The following PLEKHG3 variants were observed in gnomAD, a reference collection of about 807,000 sequenced individuals.
PLEKHG3 encodes pleckstrin homology domain-containing family G member 3.
A neutral mutation model predicts 94.9 loss-of-function variants in PLEKHG3; 62 were observed. That is an observed-to-expected ratio of 0.65 (90% confidence interval 0.53 to 0.81). PLEKHG3 has a LOEUF of 0.81. Ranked by LOEUF, PLEKHG3 falls within the 30% of genes least tolerant of loss-of-function variation. The pLI, the probability that PLEKHG3 is intolerant of heterozygous loss-of-function variation, is 0.00. For synonymous variants in PLEKHG3, 614 were observed against 654.0 expected, an observed-to-expected ratio of 0.94 and a Z score of 0.93; for missense variants, 1,461 against 1,619.3, an observed-to-expected ratio of 0.90 and a Z score of 1.68.
chr14:64,737,189 T>G lies in PLEKHG3; in HGVS notation c.1385-167T>G. 4 of 663,210 alleles carry G rather than the reference T, an allele frequency of 6.0e-6. No homozygotes were observed. The South Asian group carries it at 7.0e-5, about 12-fold the overall frequency. 41.1% of individuals were successfully genotyped at this position (663,210 alleles called of 1,614,324 possible). A position where few individuals can be genotyped will look rare whatever the true frequency, so the allele number is the denominator to read the frequency against. On this transcript the variant is annotated intron_variant, in intron 13 of 16. Coordinates refer to ENST00000247226, the MANE Select transcript of PLEKHG3 (RefSeq NM_001308147.2). ...CCTGGGCCCCTGCTCTGTCAGTCAT[T>G]CTTTTGAAAGCCCAGGAGACTAGGT...
rs1566693988 is a variant in PLEKHG3, at chr14:64,716,479, ACAACACACACACACACAACACACAC to A, written c.-39-11113_-39-11089del. On this transcript the variant is annotated intron_variant, in intron 1 of 16. Transcript: ENST00000247226. The surrounding 1 kb of genome is among the most constrained non-coding windows in gnomAD (Gnocchi z 5.0). ...ACACACACACACAACACACACACACACAACACACACACACACAACACACACACACACACACACACACACACACACA... is the reference window on the plus strand; with the variant it reads ...ACACACACACACAACACACACACACAACACACACACACACACACACACACA... 9.6e-5 allele frequency among the ~76,000 whole-genome samples: 13 copies of A among 135,472 alleles called. No individual in the cohort carries two copies. Among genetic ancestry groups the A allele is most frequent in the African/African-American group, 3.8e-4 (13 of 33,788 alleles). 88.9% of individuals were successfully genotyped at this position (135,472 alleles called of 152,430 possible).
intron 1 of PLEKHG3, among the ~76,000 whole-genome samples, chr14:64,705,845 C>T (rs2080963023): frequency 6.6e-6 from 1 of 152,162 alleles, no homozygotes; most frequent in Admixed American, 6.5e-5. Flanking sequence ...GAGTGAGAAC[C>T]AAAAGTGTAC....
Position 64,722,187 on chromosome 14 carries a change from G to A in PLEKHG3, c.-39-5406G>A, listed in dbSNP as rs1250848381. Among the ~76,000 whole-genome samples, 6 of 152,216 alleles carry A rather than the reference G, an allele frequency of 3.9e-5. No homozygotes were observed. The highest frequency in any genetic ancestry group is 7.4e-5 in the Non-Finnish European group (5 of 68,000). ...CACACAGGAGGGCTGCGCCATCGCC[G>A]TTCCTGAGTGAGGACTTTCTTTCTT... On this transcript the variant is annotated intron_variant, in intron 1 of 16. Transcript: ENST00000247226. The surrounding 1 kb of genome is among the most constrained non-coding windows in gnomAD (Gnocchi z 4.3).
At chr14:64,708,309 C>T (rs1324423826) in intron 1 of PLEKHG3, among the ~76,000 whole-genome samples, 1 of 152,180 alleles carries the variant, frequency 6.6e-6, no homozygotes, top group Non-Finnish European at 1.5e-5. Flanking sequence ...CACCTTCTCC[C>T]TGACCTCCCG....
chr14:64,733,163 T>A (rs1241595251), intron 12 of PLEKHG3, among the ~76,000 whole-genome samples: 1 of 136,844 alleles, frequency 7.3e-6, no homozygotes, highest in Non-Finnish European at 1.6e-5. Context: ...CTTTTCTTTT[T>A]CTTTTTTTTT....
Position 64,716,454 on chromosome 14 carries a change from ACACACACACACAAC to A in PLEKHG3, c.-39-11138_-39-11125del, listed in dbSNP as rs1566693791. On this transcript the variant is annotated intron_variant, in intron 1 of 16. Transcript: ENST00000247226. The surrounding 1 kb of genome is among the most constrained non-coding windows in gnomAD (Gnocchi z 5.0). Reference sequence around the variant, plus strand: ...GGGCCCTACACACACACACACACACACACACACACACAACACACACACACACAACACACACACAC... The same window carrying A: ...GGGCCCTACACACACACACACACACAACACACACACACAACACACACACAC... Among the ~76,000 whole-genome samples the A allele has an allele frequency of 2.2e-5, 3 of 137,234 alleles. No homozygotes were observed. Among genetic ancestry groups the A allele is most frequent in the African/African-American group, 8.9e-5 (3 of 33,818 alleles). The allele number at this position is 137,234 out of a possible 152,430, so 90.0% of individuals were successfully genotyped here.
Position 64,715,481 on chromosome 14 carries a change from C to A in PLEKHG3, c.-40+10777C>A, listed in dbSNP as rs1420675006. ...AAATGCTAGCTGAGGTTATTTCAGC[C>A]AGGCATTTGGAGAGCCACTTGTGCC... On this transcript the variant is annotated intron_variant, in intron 1 of 16. Coordinates refer to ENST00000247226, the MANE Select transcript of PLEKHG3 (RefSeq NM_001308147.2). This position sits in a 1 kb window ranked among gnomAD's most constrained non-coding sequence, Gnocchi z 4.4. Among the ~76,000 whole-genome samples the A allele has an allele frequency of 6.6e-6, 1 of 152,122 alleles. No homozygotes were observed. The highest frequency in any genetic ancestry group is 1.5e-5 in the Non-Finnish European group (1 of 68,022).
Position 64,720,979 on chromosome 14 carries a change from C to G in PLEKHG3, c.-39-6614C>G, listed in dbSNP as rs1553163. 5.9e-5 allele frequency among the ~76,000 whole-genome samples: 9 copies of G among 152,274 alleles called. No homozygotes were observed. In the East Asian group the frequency reaches 1.7e-3, roughly 29 times the overall value. On this transcript the variant is annotated intron_variant, in intron 1 of 16. Transcript: ENST00000247226. This position sits in a 1 kb window ranked among gnomAD's most constrained non-coding sequence, Gnocchi z 4.1. ...TCTGACTCCTGCCGGATTCCTCTTA[C>G]GAGGAGCCTTATGATCACATCAGGC... is the stretch of plus-strand genomic sequence containing the variant.
rs1445259676 is a variant in PLEKHG3, at chr14:64,749,373, C to T, written c.*5670C>T. On this transcript the variant is annotated 3_prime_UTR_variant, in exon 17 of 17. Transcript: ENST00000247226. The surrounding 1 kb of genome is among the most constrained non-coding windows in gnomAD (Gnocchi z 4.7). ...TTTCTTGCCGAGGCTGGCGTCGGGG[C>T]CGGAGAGGGAAGGCAGGGGCAGGCT... is the stretch of plus-strand genomic sequence containing the variant. 3.1e-6 allele frequency: 5 copies of T among 1,610,272 alleles called. No homozygotes were observed. Among genetic ancestry groups the T allele is most frequent in the African/African-American group, 1.3e-5 (1 of 74,922 alleles).
At chr14:64,729,381 T>A (rs1348586594) in intron 3 of PLEKHG3, among the ~76,000 whole-genome samples, 1 of 152,038 alleles carries the variant, frequency 6.6e-6, no homozygotes, top group Non-Finnish European at 1.5e-5. Context: ...TTCTCTTCCC[T>A]GTGGAAGAGA....
chr14:64,721,007 A>G lies in PLEKHG3; in HGVS notation c.-39-6586A>G, dbSNP rs540378911. Among the ~76,000 whole-genome samples the G allele has an allele frequency of 3.3e-5, 5 of 152,328 alleles. No individual in the cohort carries two copies. Among genetic ancestry groups the G allele is most frequent in the African/African-American group, 1.2e-4 (5 of 41,570 alleles). Reference sequence around the variant, plus strand: ...GGAGCCTTATGATCACATCAGGCCCACCGGGCTAATCCAGGATAATCTTCC... The same window carrying G: ...GGAGCCTTATGATCACATCAGGCCCGCCGGGCTAATCCAGGATAATCTTCC... On this transcript the variant is annotated intron_variant, in intron 1 of 16. Transcript: ENST00000247226. The surrounding 1 kb of genome is among the most constrained non-coding windows in gnomAD (Gnocchi z 4.3).
At chr14:64,736,393 A>G (rs229655) in intron 12 of PLEKHG3, among the ~76,000 whole-genome samples, 37,764 of 152,172 alleles carry the variant, frequency 0.25, 5,044 homozygotes, top group African/African-American at 0.33. Flanking sequence ...TCTGCTTTCC[A>G]GCTGGGATGC....
Position 64,732,561 on chromosome 14 carries a change from C to A in PLEKHG3, c.1246+101C>A. ...TTACCTGATAATTTTATTCCAGGAG[C>A]AGGGAGGGCGGGGGTCTCCTGTTAA... On this transcript the variant is annotated intron_variant, in intron 11 of 16. Transcript: ENST00000247226. The surrounding 1 kb of genome is among the most constrained non-coding windows in gnomAD (Gnocchi z 4.9). 9.2e-7 allele frequency: 1 copy of A among 1,090,948 alleles called. No individual in the cohort carries two copies. Among genetic ancestry groups the A allele is most frequent in the Non-Finnish European group, 1.4e-6 (1 of 708,274 alleles). The allele number at this position is 1,090,948 out of a possible 1,614,324, so 67.6% of individuals were successfully genotyped here. A position where few individuals can be genotyped will look rare whatever the true frequency, so the allele number is the denominator to read the frequency against.
Position 64,716,495 on chromosome 14 carries a change from CAA to C in PLEKHG3, c.-39-11097_-39-11096del, listed in dbSNP as rs1566694137. On this transcript the variant is annotated intron_variant, in intron 1 of 16. Transcript: ENST00000247226. This position sits in a 1 kb window ranked among gnomAD's most constrained non-coding sequence, Gnocchi z 5.0. ...CACACACACACAACACACACACACA[CAA>C]CACACACACACACACACACACACAC... 3.4e-5 allele frequency among the ~76,000 whole-genome samples: 2 copies of C among 58,728 alleles called. No homozygotes were observed. Among genetic ancestry groups the C allele is most frequent in the African/African-American group, 6.2e-5 (1 of 16,114 alleles). 38.5% of individuals were successfully genotyped at this position (58,728 alleles called of 152,430 possible).
Position 64,716,466 on chromosome 14 carries a change from A to ACACACACAAC in PLEKHG3, c.-39-11127_-39-11126insCACACACAAC, listed in dbSNP as rs1555359403. Among the ~76,000 whole-genome samples the ACACACACAAC allele has an allele frequency of 2.3e-5, 2 of 86,446 alleles. No homozygotes were observed. Among genetic ancestry groups the ACACACACAAC allele is most frequent in the African/African-American group, 4.5e-5 (1 of 22,244 alleles). 56.7% of individuals were successfully genotyped at this position (86,446 alleles called of 152,430 possible). A position where few individuals can be genotyped will look rare whatever the true frequency, so the allele number is the denominator to read the frequency against. ...CACACACACACACACACACACACAC[A>ACACACACAAC]ACACACACACACACAACACACACAC... On this transcript the variant is annotated intron_variant, in intron 1 of 16. Transcript: ENST00000247226. The surrounding 1 kb of genome is among the most constrained non-coding windows in gnomAD (Gnocchi z 5.0).
In PLEKHG3 at chr14:64,749,582, C is replaced by T. The variant is rs1473809465; in HGVS notation, c.*5879C>T. 2.1e-5 allele frequency: 34 copies of T among 1,608,504 alleles called. No homozygotes were observed. Among genetic ancestry groups the T allele is most frequent in the Non-Finnish European group, 2.8e-5 (33 of 1,179,366 alleles). The stretch of plus-strand genomic sequence containing the variant: ...GGACTGCCCCTTCTGAGGGGGCCTC[C>T]AGGGCAAGCGGCCTGGGGTCCTCCA... On this transcript the variant is annotated 3_prime_UTR_variant, in exon 17 of 17. Transcript: ENST00000247226. This position sits in a 1 kb window ranked among gnomAD's most constrained non-coding sequence, Gnocchi z 4.7.
At chr14:64,714,336 A>G (rs1296246146) in intron 1 of PLEKHG3, among the ~76,000 whole-genome samples, 1 of 152,186 alleles carries the variant, frequency 6.6e-6, no homozygotes, top group Non-Finnish European at 1.5e-5. Context: ...CCAAAGCTTC[A>G]CATGTTTGGC....
In PLEKHG3 at chr14:64,717,729, C is replaced by T. The variant is rs537480450; in HGVS notation, c.-39-9864C>T. ...AATGTTCCCTCGATCTCTCGCTCCT[C>T]CTCGAAGCTGTCTCTGAATAGCCAG... On this transcript the variant is annotated intron_variant, in intron 1 of 16. Coordinates refer to ENST00000247226, the MANE Select transcript of PLEKHG3 (RefSeq NM_001308147.2). This position sits in a 1 kb window ranked among gnomAD's most constrained non-coding sequence, Gnocchi z 4.7. Among the ~76,000 whole-genome samples the T allele has an allele frequency of 2.3e-4, 35 of 152,356 alleles. No individual in the cohort carries two copies. The highest frequency in any genetic ancestry group is 4.1e-4 in the South Asian group (2 of 4,826).
rs963612501 is a variant in PLEKHG3 at position 64,739,830 on chromosome 14, A to G, written c.1518+975A>G. 1.3e-5 allele frequency among the ~76,000 whole-genome samples: 2 copies of G among 152,154 alleles called. No homozygotes were observed. The highest frequency in any genetic ancestry group is 1.5e-5 in the Non-Finnish European group (1 of 68,028). On this transcript the variant is annotated intron_variant, in intron 15 of 16. Coordinates refer to ENST00000247226, the MANE Select transcript of PLEKHG3 (RefSeq NM_001308147.2). The surrounding 1 kb of genome is among the most constrained non-coding windows in gnomAD (Gnocchi z 4.1). ...ATGAGGATGGAGCCCTTGTGACCTAATTTCCCAAAGGCCCCCCCTCTCATT... is the reference window on the plus strand; with the variant it reads ...ATGAGGATGGAGCCCTTGTGACCTAGTTTCCCAAAGGCCCCCCCTCTCATT...
Sources: gnomAD v4.1 joint callset for allele counts (sites outside exome capture counted in the v4.1 genomes callset) on GRCh38, gnomAD v4.1.1 for gene constraint, Gnocchi (gnomAD v3.1) non-coding constraint, MANE v1.5 for transcripts, NCBI Gene and HGNC (gene_info 2026-07-23, HGNC 2026-07-21) for gene names.